Variants in RNF2 observed in about 807,000 individuals in gnomAD.
RNF2 encodes E3 ubiquitin-protein ligase RING2.
A neutral mutation model predicts 37.2 loss-of-function variants in RNF2; 6 were observed. That is an observed-to-expected ratio of 0.16 (90% CI 0.09 to 0.32). The LOEUF (loss-of-function observed/expected upper bound fraction) is 0.32, where lower values mean the gene tolerates loss of function less well. Ranked by LOEUF, RNF2 falls within the 10% of genes least tolerant of loss-of-function variation. RNF2 has a pLI of 1.00. For synonymous variants in RNF2, 133 were observed against 132.7 expected, an observed-to-expected ratio of 1.00 and a Z score of -0.02; for missense variants, 251 against 404.0, an observed-to-expected ratio of 0.62 and a Z score of 3.25.
chr1:185,081,066 G>A (rs866511383), intron 1 of RNF2, among the ~76,000 whole-genome samples: 18 of 152,202 alleles, frequency 1.2e-4, no homozygotes, highest in African/African-American at 4.1e-4. Flanking sequence ...AATGGCACAT[G>A]TGTTAGTTTG....
At chr1:185,062,819 C>T (rs1048080435) in intron 1 of RNF2, among the ~76,000 whole-genome samples, 1 of 149,664 alleles carries the variant, frequency 6.7e-6, no homozygotes, top group Non-Finnish European at 1.5e-5. Context: ...CTCCCCCCCC[C>T]CAAAAAAAGG....
chr1:185,086,255 T>C (rs1269182882), intron 1 of RNF2, among the ~76,000 whole-genome samples: 1 of 152,158 alleles, frequency 6.6e-6, no homozygotes, highest in Admixed American at 6.5e-5. Flanking sequence ...ATGCATTTCC[T>C]TCTAGACAAG....
Position 185,064,387 on chromosome 1 carries a change from A to AT in RNF2, c.-3+18745dup, listed in dbSNP as rs575443081. On this transcript the variant is annotated intron_variant, in intron 1 of 6. Transcript: ENST00000367510. ...AACACTGGCAGGATTTCATACTCTG[A>AT]TTTTTTTGGTAATGCTTTGGATAGT... Among the ~76,000 whole-genome samples the AT allele has an allele frequency of 3.6e-3, 551 of 152,192 alleles. 2 individuals carry two copies. Among genetic ancestry groups the AT allele is most frequent in the Middle Eastern group, 6.8e-3 (2 of 294 alleles).
chr1:185,067,409 G>A (rs974069495), intron 1 of RNF2, among the ~76,000 whole-genome samples: 1 of 152,136 alleles, frequency 6.6e-6, no homozygotes, highest in Admixed American at 6.5e-5. Flanking sequence ...TATAACACCT[G>A]TATCCTGTAA....
chr1:185,082,754 C>T (rs536960742), intron 1 of RNF2, among the ~76,000 whole-genome samples: 3 of 152,226 alleles, frequency 2.0e-5, no homozygotes, highest in South Asian at 2.1e-4. Context: ...CACTGCTTTA[C>T]GAACCATTTT....
intron 1 of RNF2, among the ~76,000 whole-genome samples, chr1:185,068,006 G>A (rs1428589385): frequency 3.4e-5 from 1 of 29,250 alleles, no homozygotes; most frequent in Non-Finnish European, 6.9e-5. Context: ...ACAGCGCCCG[G>A]CCTTTTTTTT....
chr1:185,076,195 A>AACCTTTC (rs1171739805), intron 1 of RNF2, among the ~76,000 whole-genome samples: 1 of 148,784 alleles, frequency 6.7e-6, no homozygotes, highest in Non-Finnish European at 1.5e-5. Context: ...GCGAAATATG[A>AACCTTTC]ACCTTTCAGT....
At chr1:185,077,348 A>G (rs999615789) in intron 1 of RNF2, among the ~76,000 whole-genome samples, 6 of 147,498 alleles carry the variant, frequency 4.1e-5, no homozygotes, top group Admixed American at 1.4e-4. Flanking sequence ...CTACCATAAC[A>G]TGACGTAGGA....
intron 1 of RNF2, among the ~76,000 whole-genome samples, chr1:185,054,805 T>C (rs549020662): frequency 3.9e-5 from 6 of 152,276 alleles, no homozygotes; most frequent in African/African-American, 1.2e-4. Context: ...TCAAGCGATC[T>C]TGCCACCTCA....
chr1:185,085,675 A>G (rs1651573628), intron 1 of RNF2, among the ~76,000 whole-genome samples: 1 of 149,162 alleles, frequency 6.7e-6, no homozygotes, highest in East Asian at 2.0e-4. Context: ...TTTTTTTGAG[A>G]CTAAGTGTCG....
intron 1 of RNF2, among the ~76,000 whole-genome samples, chr1:185,054,482 C>G (rs762416133): frequency 6.6e-6 from 1 of 152,158 alleles, no homozygotes; most frequent in Non-Finnish European, 1.5e-5. Context: ...CTTCTCCCAT[C>G]TGGGTCTCTG....
At position 185,094,403 on chromosome 1, in the gene RNF2, A is replaced by G. The variant is rs564956617; in HGVS notation, c.464+1127A>G. 3.9e-5 allele frequency among the ~76,000 whole-genome samples: 6 copies of G among 152,238 alleles called. No individual in the cohort carries two copies. The South Asian group carries it at 1.2e-3, about 32-fold the overall frequency. On this transcript the variant is annotated intron_variant, in intron 4 of 6. Transcript: ENST00000367510. ...TGATCTGCCTGCCTCGGCCTCCCAA[A>G]GTGCTGAGATTACAGGTGTGATCCA...
chr1:185,079,015 T>C (rs1321288441), intron 1 of RNF2, among the ~76,000 whole-genome samples: 3 of 152,026 alleles, frequency 2.0e-5, no homozygotes, highest in African/African-American at 4.8e-5. Flanking sequence ...GAATATCTTA[T>C]TGATATTTTC....
At position 185,100,193 on chromosome 1, in the gene RNF2, GTT is replaced by G; in HGVS notation, c.910-4_910-3del. ...TTTCATAATTTTTTCTTTCTTTTTT[GTT>G]TTAGGTATTAAATGGCTCTTTTTCT... On this transcript the variant is annotated splice_region_variant and splice_polypyrimidine_tract_variant and intron_variant, in intron 6 of 6. Coordinates refer to ENST00000367510, the MANE Select transcript of RNF2 (RefSeq NM_007212.4). The G allele has an allele frequency of 6.4e-7, 1 of 1,568,498 alleles. No homozygotes were observed. Among genetic ancestry groups the G allele is most frequent in the Non-Finnish European group, 8.6e-7 (1 of 1,159,954 alleles).
intron 1 of RNF2, among the ~76,000 whole-genome samples, chr1:185,076,410 A>G (rs1571311570): frequency 7.0e-6 from 1 of 142,686 alleles, no homozygotes; most frequent in South Asian, 2.2e-4. Context: ...CCTGCCTCAG[A>G]CTCCCAAGTA....
chr1:185,100,188 T>A lies in RNF2; in HGVS notation c.910-12T>A, dbSNP rs1455086481. Reference sequence around the variant, plus strand: ...GCAGTTTTCATAATTTTTTCTTTCTTTTTTGTTTTAGGTATTAAATGGCTC... The same window carrying A: ...GCAGTTTTCATAATTTTTTCTTTCTATTTTGTTTTAGGTATTAAATGGCTC... On this transcript the variant is annotated splice_polypyrimidine_tract_variant and intron_variant, in intron 6 of 6. Transcript: ENST00000367510. 6.4e-7 allele frequency: 1 copy of A among 1,566,880 alleles called. No individual in the cohort carries two copies. The highest frequency in any genetic ancestry group is 8.6e-7 in the Non-Finnish European group (1 of 1,158,598).
At chr1:185,073,643 G>T (rs1460678869) in intron 1 of RNF2, among the ~76,000 whole-genome samples, 1 of 152,130 alleles carries the variant, frequency 6.6e-6, no homozygotes, top group Non-Finnish European at 1.5e-5. Flanking sequence ...ATTATACTGT[G>T]GTTCTAAGGG....
intron 4 of RNF2, 111 bp downstream of exon 4, chr1:185,093,387 T>C: frequency 3.3e-6 from 3 of 909,086 alleles, no homozygotes; most frequent in Non-Finnish European, 5.2e-6. Flanking sequence ...TAGTACTGCA[T>C]GATTACCTTT....
chr1:185,094,900 C>T (rs1369698237), intron 4 of RNF2, among the ~76,000 whole-genome samples: 1 of 152,122 alleles, frequency 6.6e-6, no homozygotes, highest in Non-Finnish European at 1.5e-5. Context: ...TGGTTTTCAC[C>T]TTGGCTGAAC....
Sources: gnomAD v4.1 joint callset for allele counts (sites outside exome capture counted in the v4.1 genomes callset) on GRCh38, gnomAD v4.1.1 for gene constraint, MANE v1.5 for transcripts, NCBI Gene and HGNC (gene_info 2026-07-23, HGNC 2026-07-21) for gene names.